The following GPR158 variants were observed in gnomAD, a reference collection of about 807,000 sequenced individuals.
GPR158 encodes metabotropic glycine receptor.
A neutral mutation model predicts 78.2 loss-of-function variants in GPR158; 30 were observed. The observed-to-expected ratio is 0.38, with a 90% confidence interval of 0.29 to 0.52. The LOEUF is 0.52. GPR158 is among the 20% of genes least tolerant of loss of function. The pLI is 0.83. For synonymous variants in GPR158, 581 were observed against 591.1 expected, an observed-to-expected ratio of 0.98 and a Z score of 0.25; for missense variants, 1,463 against 1,523.5, an observed-to-expected ratio of 0.96 and a Z score of 0.66.
chr10:25,466,754 T>G, intron 5 of GPR158, 35 bp downstream of exon 5: 2 of 1,169,474 alleles, frequency 1.7e-6, no homozygotes, highest in Non-Finnish European at 1.3e-6. Context: ...AAGTAGAAAT[T>G]TATTTTATGT....
At chr10:25,441,852 C>A (rs1835072588) in intron 4 of GPR158, among the ~76,000 whole-genome samples, 1 of 152,162 alleles carries the variant, frequency 6.6e-6, no homozygotes, top group South Asian at 2.1e-4. Flanking sequence ...TGGTTAATCT[C>A]TCTTTTTGGC....
At chr10:25,503,365 AATT>A (rs1835966671) in intron 5 of GPR158, among the ~76,000 whole-genome samples, 1 of 150,128 alleles carries the variant, frequency 6.7e-6, no homozygotes, top group Admixed American at 6.6e-5. Context: ...ACAAAAAAAT[AATT>A]TAATTCAGTT....
At chr10:25,592,564 AC>A (rs1416793515) in intron 8 of GPR158, among the ~76,000 whole-genome samples, 1 of 152,030 alleles carries the variant, frequency 6.6e-6, no homozygotes, top group Non-Finnish European at 1.5e-5. Context: ...CAGAATTGCA[AC>A]CTTAAAAACC....
At chr10:25,289,767 C>T (rs1444161959) in intron 2 of GPR158, among the ~76,000 whole-genome samples, 3 of 152,094 alleles carry the variant, frequency 2.0e-5, no homozygotes, top group Admixed American at 6.6e-5. Flanking sequence ...GGTTGAAGTC[C>T]ACAAACGTGA....
rs754914669 is a variant in GPR158, at chr10:25,600,672, A to G, written c.*1398A>G. 7.2e-5 allele frequency: 11 copies of G among 152,554 alleles called. No individual in the cohort carries two copies. Among genetic ancestry groups the G allele is most frequent in the Non-Finnish European group, 1.3e-4 (9 of 68,032 alleles). 9.5% of individuals were successfully genotyped at this position (152,554 alleles called of 1,614,324 possible). A position where few individuals can be genotyped will look rare whatever the true frequency, so the allele number is the denominator to read the frequency against. Reference sequence around the variant, plus strand: ...GGTTTTATAACCTTATTTATTCAAAACCTATAAGGTGGTATGGAATCTTCA... The same window carrying G: ...GGTTTTATAACCTTATTTATTCAAAGCCTATAAGGTGGTATGGAATCTTCA... On this transcript the variant is annotated 3_prime_UTR_variant, in exon 11 of 11. Coordinates refer to ENST00000376351, the MANE Select transcript of GPR158 (RefSeq NM_020752.3).
intron 2 of GPR158, among the ~76,000 whole-genome samples, chr10:25,308,568 A>G (rs1854717891): frequency 6.6e-6 from 1 of 152,134 alleles, no homozygotes; most frequent in Admixed American, 6.6e-5. Context: ...ATAACATAAA[A>G]TTTGCCATCT....
chr10:25,597,730 A>G, intron 10 of GPR158, 42 bp from the exon 11 acceptor site: 1 of 1,455,722 alleles, frequency 6.9e-7, no homozygotes, highest in Non-Finnish European at 9.2e-7. Context: ...TGACTGGAAC[A>G]CTAAATTCTA....
chr10:25,347,143 A>G (rs1327998950), intron 2 of GPR158, among the ~76,000 whole-genome samples: 1 of 151,980 alleles, frequency 6.6e-6, no homozygotes, highest in Non-Finnish European at 1.5e-5. Context: ...TCACTGAGCT[A>G]GAGTTCAGCT....
intron 1 of GPR158, among the ~76,000 whole-genome samples, chr10:25,204,819 T>G (rs1292769346): frequency 3.8e-5 from 4 of 105,304 alleles, no homozygotes; most frequent in East Asian, 2.5e-4. Flanking sequence ...TCTCTGAGGG[T>G]TTTTTTTTTT....
intron 2 of GPR158, among the ~76,000 whole-genome samples, chr10:25,343,371 CTGTGTCACTATATCTCTTACTAT>C (rs1317207431): frequency 6.6e-6 from 1 of 151,930 alleles, no homozygotes; most frequent in East Asian, 1.9e-4. Context: ...TGTAAAAGAT[CTGTGTCACTATATCTCTTACTAT>C]TGTGTGTCCT....
intron 6 of GPR158, among the ~76,000 whole-genome samples, chr10:25,569,759 T>C (rs773728279): frequency 2.0e-5 from 3 of 152,202 alleles, no homozygotes; most frequent in Non-Finnish European, 4.4e-5. Context: ...ACCTGTTCTA[T>C]TGGGTTAGTA....
intron 1 of GPR158, among the ~76,000 whole-genome samples, chr10:25,184,852 T>TC (rs1369799725): frequency 6.6e-6 from 1 of 152,218 alleles, no homozygotes; most frequent in Non-Finnish European, 1.5e-5. Flanking sequence ...TTTCTTTTTT[T>TC]CCCGTCAATT....
intron 2 of GPR158, among the ~76,000 whole-genome samples, chr10:25,242,797 C>T (rs1236940325): frequency 6.6e-6 from 1 of 152,080 alleles, no homozygotes; most frequent in African/African-American, 2.4e-5. Context: ...TTCAGGGAAT[C>T]TCAGAGAATA....
intron 1 of GPR158, among the ~76,000 whole-genome samples, chr10:25,209,657 A>C (rs1853100790): frequency 6.6e-6 from 1 of 152,170 alleles, no homozygotes; most frequent in African/African-American, 2.4e-5. Flanking sequence ...TTTTTATTTT[A>C]ATCTTTGGCT....
chr10:25,251,945 A>G (rs878881442), intron 2 of GPR158, among the ~76,000 whole-genome samples: 2,918 of 151,462 alleles, frequency 0.019, 75 homozygotes, highest in African/African-American at 0.059. Flanking sequence ...TCACTTTCAG[A>G]TACACCAATC....
At chr10:25,522,506 T>C (rs7086249) in intron 5 of GPR158, among the ~76,000 whole-genome samples, 78,192 of 151,982 alleles carry the variant, frequency 0.51, 20,851 homozygotes, top group African/African-American at 0.67. Context: ...TAATGAGATA[T>C]AGATGTTGGG....
chr10:25,480,766 C>T (rs1835655184), intron 5 of GPR158, among the ~76,000 whole-genome samples: 1 of 152,124 alleles, frequency 6.6e-6, no homozygotes, highest in Non-Finnish European at 1.5e-5. Context: ...CACCTTTGGG[C>T]TGTTGTGAAT....
chr10:25,399,501 C>G (rs1300521570), intron 3 of GPR158, among the ~76,000 whole-genome samples: 2 of 152,158 alleles, frequency 1.3e-5, no homozygotes, highest in African/African-American at 4.8e-5. Context: ...GGAGCAGTTT[C>G]ATCCCCAAAC....
At chr10:25,594,453 G>C in intron 9 of GPR158, 56 bp downstream of exon 9, 1 of 777,738 alleles carries the variant, frequency 1.3e-6, no homozygotes, top group Non-Finnish European at 2.1e-6. Context: ...TGAACATGGA[G>C]TTGTTTATCC....
Sources: allele counts gnomAD v4.1 joint callset (sites outside exome capture counted in the v4.1 genomes callset), GRCh38; gene constraint gnomAD v4.1.1; transcripts MANE v1.5; gene names NCBI Gene and HGNC (gene_info 2026-07-23, HGNC 2026-07-21).